The following GARNL3 variants were observed in gnomAD, a reference collection of about 807,000 sequenced individuals.
GARNL3 encodes the protein GTPase-activating Rap/Ran-GAP domain-like protein 3.
In GARNL3, 63 loss-of-function variants were observed where a neutral mutation model predicts 125.0. The observed-to-expected ratio is 0.50, with a 90% confidence interval of 0.41 to 0.62. The LOEUF is 0.62. Among genes scored for constraint, GARNL3 ranks in the 20% least tolerant of loss-of-function variants. GARNL3 has a pLI of 0.00. For synonymous variants in GARNL3, 439 were observed against 457.5 expected (o/e 0.96, Z 0.52); for missense variants, 994 against 1,244.0 (o/e 0.80, Z 3.02).
intron 26 of GARNL3, 85 bp downstream of exon 26, chr9:127,389,204 T>TAA: frequency 1.0e-6 from 1 of 1,001,766 alleles, no homozygotes; most frequent in Non-Finnish European, 1.5e-6. Context: ...TCAGAAACAA[T>TAA]GAGTTTAAAA....
intron 1 of GARNL3, among the ~76,000 whole-genome samples, chr9:127,267,755 T>C (rs2063734917): frequency 6.6e-6 from 1 of 152,200 alleles, no homozygotes; most frequent in African/African-American, 2.4e-5. Flanking sequence ...CAGGGACTTA[T>C]GAAAAAGTGA....
rs1031985453 is a variant in GARNL3 at position 127,288,118 on chromosome 9, G to A, written c.145-3050G>A. On this transcript the variant is annotated intron_variant, in intron 1 of 27. Coordinates refer to ENST00000373387, the MANE Select transcript of GARNL3 (RefSeq NM_032293.5). ...AAGTTTGCTGGAGAGCGGAGAGAGC[G>A]CCTGAGGAAAGACAGGTGGGAACCA... Among the ~76,000 whole-genome samples the A allele has an allele frequency of 2.6e-5, 4 of 152,194 alleles. No homozygotes were observed. The South Asian group carries it at 8.3e-4, about 31-fold the overall frequency.
chr9:127,339,799 T>C, intron 13 of GARNL3, 48 bp downstream of exon 13: 1 of 1,125,324 alleles, frequency 8.9e-7, no homozygotes, highest in South Asian at 1.2e-5. Flanking sequence ...TATGTCAGAA[T>C]ACATTTCTTC....
intron 2 of GARNL3, among the ~76,000 whole-genome samples, chr9:127,295,738 T>C (rs1055531097): frequency 7.2e-5 from 11 of 152,064 alleles, no homozygotes; most frequent in African/African-American, 2.4e-4. Flanking sequence ...TTTTTTTTTT[T>C]ACTATTACTG....
intron 19 of GARNL3, among the ~76,000 whole-genome samples, chr9:127,354,936 G>C (rs1172707510): frequency 6.6e-6 from 1 of 152,172 alleles, no homozygotes; most frequent in Non-Finnish European, 1.5e-5. Flanking sequence ...GGGATTACAG[G>C]TGCCCGCCAG....
chr9:127,318,387 G>A (rs1372666196), intron 5 of GARNL3, among the ~76,000 whole-genome samples: 2 of 152,220 alleles, frequency 1.3e-5, no homozygotes, highest in African/African-American at 4.8e-5. Flanking sequence ...TAGCAAGTGT[G>A]TAGTGGAACC....
intron 1 of GARNL3, among the ~76,000 whole-genome samples, chr9:127,265,566 G>A (rs1219697040): frequency 1.3e-5 from 2 of 152,032 alleles, no homozygotes; most frequent in African/African-American, 2.4e-5. Context: ...AGGTGTTAGT[G>A]TTTGTGCTAT....
At chr9:127,362,335 G>GTGCTGGGA (rs2131707750) in intron 21 of GARNL3, 1 of 151,938 alleles carries the variant, frequency 6.6e-6, no homozygotes, top group East Asian at 1.9e-4. Flanking sequence ...GCCTCCCAAA[G>GTGCTGGGA]TGCTGGGATT....
chr9:127,310,773 CAA>C (rs905120960), intron 2 of GARNL3, among the ~76,000 whole-genome samples: 38 of 74,736 alleles, frequency 5.1e-4, no homozygotes, highest in Admixed American at 4.6e-4. Context: ...GACTCTGTCT[CAA>C]AAAAAAAAAA....
At chr9:127,360,484 C>T (rs1830934534) in intron 21 of GARNL3, among the ~76,000 whole-genome samples, 1 of 152,176 alleles carries the variant, frequency 6.6e-6, no homozygotes, top group East Asian at 1.9e-4. Flanking sequence ...TGCACTCACT[C>T]ATCTTTCAAG....
At chr9:127,254,779 A>C (rs1194017058) in intron 2 of GARNL3, among the ~76,000 whole-genome samples, 1 of 152,070 alleles carries the variant, frequency 6.6e-6, no homozygotes, top group African/African-American at 2.4e-5. Context: ...AAAAAAAAAA[A>C]AAAACTACCA....
At chr9:127,331,201 A>G (rs1187666560) in intron 7 of GARNL3, among the ~76,000 whole-genome samples, 7 of 152,150 alleles carry the variant, frequency 4.6e-5, no homozygotes, top group African/African-American at 1.4e-4. Context: ...CTACAAAACC[A>G]CTACTGGCCG....
At chr9:127,372,686 A>T (rs1022806246) in intron 22 of GARNL3, among the ~76,000 whole-genome samples, 2 of 152,224 alleles carry the variant, frequency 1.3e-5, no homozygotes, top group African/African-American at 4.8e-5. Context: ...GAATGTGTTT[A>T]TCAAATTAAG....
intron 15 of GARNL3, among the ~76,000 whole-genome samples, chr9:127,345,183 A>G (rs1830071274): frequency 6.6e-6 from 1 of 152,238 alleles, no homozygotes; most frequent in African/African-American, 2.4e-5. Context: ...TGATTCATTG[A>G]AATGATAAAA....
intron 1 of GARNL3, among the ~76,000 whole-genome samples, chr9:127,225,030 G>T (rs894807938): frequency 6.9e-6 from 1 of 145,034 alleles, no homozygotes; most frequent in Non-Finnish European, 1.5e-5. Context: ...GGCTGAGCGG[G>T]CGCGGGGCGG....
intron 22 of GARNL3, among the ~76,000 whole-genome samples, chr9:127,370,480 G>A (rs1295475771): frequency 2.0e-5 from 3 of 152,204 alleles, no homozygotes; most frequent in African/African-American, 7.2e-5. Flanking sequence ...ACACCCAGAA[G>A]GCCAGACCAT....
rs767813400 is a variant in GARNL3 at position 127,385,970 on chromosome 9, C to T, written c.2388+825C>T. ...TATGTATGATATGTGTACATATCTG[C>T]ATGTATGTATCATATGCGTGTACAT... is the stretch of plus-strand genomic sequence containing the variant. On this transcript the variant is annotated intron_variant, in intron 24 of 27. Coordinates refer to ENST00000373387, the MANE Select transcript of GARNL3 (RefSeq NM_032293.5). This position sits in a 1 kb window ranked among gnomAD's most constrained non-coding sequence, Gnocchi z 4.1. Among the ~76,000 whole-genome samples, 4 of 152,198 alleles carry T rather than the reference C, an allele frequency of 2.6e-5. No individual in the cohort carries two copies. Among genetic ancestry groups the T allele is most frequent in the Non-Finnish European group, 5.9e-5 (4 of 68,032 alleles).
chr9:127,238,687 C>G (rs73599227), intron 1 of GARNL3, among the ~76,000 whole-genome samples: 25,097 of 152,146 alleles, frequency 0.16, 6,372 homozygotes, highest in African/African-American at 0.55. Context: ...CTAGAGCCTT[C>G]TGAAATCTGC....
chr9:127,260,533 A>G (rs1169387986), upstream of GARNL3, among the ~76,000 whole-genome samples: 2 of 152,224 alleles, frequency 1.3e-5, no homozygotes, highest in Non-Finnish European at 2.9e-5. Flanking sequence ...TTGGGAGACT[A>G]TACTACAGGG....
Sources: allele counts gnomAD v4.1 joint callset (sites outside exome capture counted in the v4.1 genomes callset), GRCh38; gene constraint gnomAD v4.1.1; non-coding constraint Gnocchi (gnomAD v3.1); transcripts MANE v1.5; gene names NCBI Gene and HGNC (gene_info 2026-07-23, HGNC 2026-07-21).